Variants in PTPRD observed in about 807,000 individuals in gnomAD.
The protein encoded by PTPRD is protein tyrosine phosphatase receptor type D, also known as receptor-type tyrosine-protein phosphatase delta.
Under a neutral mutation model 214.5 loss-of-function variants are expected in PTPRD, and 34 were observed. The observed-to-expected ratio is 0.16, with a 90% CI of 0.12 to 0.21. The LOEUF is 0.21. Ranked by LOEUF, PTPRD falls within the 10% of genes least tolerant of loss-of-function variation. The pLI is 1.00. For missense variants in PTPRD, 2,545 were observed against 2,398.7 expected (o/e 1.06, Z -1.27); for synonymous variants, 1,128 against 845.7 (o/e 1.33, Z -5.79).
chr9:8,900,609 A>G (rs1566909048), intron 11 of PTPRD, among the ~76,000 whole-genome samples: 1 of 152,148 alleles, frequency 6.6e-6, no homozygotes, highest in Non-Finnish European at 1.5e-5. Context: ...GATTACATTG[A>G]TATATTTAAG....
At chr9:8,347,746 G>T (rs758309185) in intron 39 of PTPRD, among the ~76,000 whole-genome samples, 1 of 152,150 alleles carries the variant, frequency 6.6e-6, no homozygotes, top group African/African-American at 2.4e-5. Flanking sequence ...CCTTGTAAGA[G>T]GAAGAGACAC....
chr9:8,644,627 A>G (rs1015590714), intron 12 of PTPRD, among the ~76,000 whole-genome samples: 17 of 152,256 alleles, frequency 1.1e-4, no homozygotes, highest in African/African-American at 4.1e-4. Flanking sequence ...TGTTGTTTCC[A>G]AGTTTCCAGG....
intron 10 of PTPRD, among the ~76,000 whole-genome samples, chr9:9,058,277 TGCAATGTC>T (rs1569516232): frequency 2.0e-5 from 3 of 148,112 alleles, no homozygotes; most frequent in African/African-American, 7.3e-5. Flanking sequence ...CAGTGTCTTA[TGCAATGTC>T]ACAACCCATG....
intron 11 of PTPRD, among the ~76,000 whole-genome samples, chr9:8,804,220 A>G (rs577274927): frequency 6.6e-6 from 1 of 152,186 alleles, no homozygotes; most frequent in Admixed American, 6.5e-5. Context: ...CCCAAAGTGC[A>G]GGAATTACAA....
chr9:8,528,479 A>G, intron 15 of PTPRD, 112 bp downstream of exon 15: 1 of 955,566 alleles, frequency 1.0e-6, no homozygotes, highest in Non-Finnish European at 1.6e-6. Context: ...GAGAAGAGGG[A>G]GAAAAATCAG....
chr9:9,367,136 G>A (rs2058102019), intron 9 of PTPRD, among the ~76,000 whole-genome samples: 1 of 151,240 alleles, frequency 6.6e-6, no homozygotes, highest in African/African-American at 2.4e-5. Flanking sequence ...AGTGTTACGT[G>A]GGGTTATTTA....
intron 3 of PTPRD, among the ~76,000 whole-genome samples, chr9:10,034,930 T>G (rs1333480043): frequency 6.6e-6 from 1 of 152,134 alleles, no homozygotes; most frequent in Non-Finnish European, 1.5e-5. Flanking sequence ...TCATATTCCT[T>G]TGAGTATATG....
chr9:10,010,783 A>G (rs1021472974), intron 4 of PTPRD, among the ~76,000 whole-genome samples: 3 of 152,030 alleles, frequency 2.0e-5, no homozygotes, highest in Non-Finnish European at 2.9e-5. Context: ...AAAGAATGCT[A>G]TGAAACTTCT....
At chr9:8,706,238 G>C (rs781495906) in intron 12 of PTPRD, among the ~76,000 whole-genome samples, 5 of 152,164 alleles carry the variant, frequency 3.3e-5, no homozygotes, top group Non-Finnish European at 7.3e-5. Flanking sequence ...TACTACGGAA[G>C]TTCTTCTGAA....
intron 44 of PTPRD, among the ~76,000 whole-genome samples, chr9:8,324,886 G>A (rs192136071): frequency 1.1e-4 from 17 of 152,256 alleles, no homozygotes; most frequent in South Asian, 6.2e-4. Context: ...TTTGTCTGCC[G>A]CATCAGTGTC....
At chr9:10,288,777 A>T (rs2095440209) in intron 3 of PTPRD, among the ~76,000 whole-genome samples, 1 of 151,730 alleles carries the variant, frequency 6.6e-6, no homozygotes, top group Admixed American at 6.6e-5. Context: ...TAGACATGGC[A>T]AGAGCCCAGA....
intron 10 of PTPRD, among the ~76,000 whole-genome samples, chr9:9,113,124 C>T (rs955585681): frequency 6.6e-6 from 1 of 151,274 alleles, no homozygotes; most frequent in Non-Finnish European, 1.5e-5. Context: ...ACCACCATGC[C>T]CGGCTAATTA....
At chr9:9,791,532 A>T (rs185812557) in intron 5 of PTPRD, among the ~76,000 whole-genome samples, 2 of 152,260 alleles carry the variant, frequency 1.3e-5, no homozygotes, top group Admixed American at 6.5e-5. Flanking sequence ...ATCACCCCTG[A>T]TGATAAGTTT....
At chr9:10,213,216 A>T (rs2099525112) in intron 3 of PTPRD, among the ~76,000 whole-genome samples, 1 of 152,036 alleles carries the variant, frequency 6.6e-6, no homozygotes, top group Non-Finnish European at 1.5e-5. Context: ...TTTTACTTAT[A>T]TTTCTGTATT....
chr9:9,525,181 G>A (rs1208366217), intron 8 of PTPRD, among the ~76,000 whole-genome samples: 1 of 152,094 alleles, frequency 6.6e-6, no homozygotes, highest in African/African-American at 2.4e-5. Context: ...TATAGAAACT[G>A]AATATCATGC....
chr9:8,527,138 G>A (rs2074379780), intron 16 of PTPRD, among the ~76,000 whole-genome samples: 1 of 148,842 alleles, frequency 6.7e-6, no homozygotes, highest in South Asian at 2.1e-4. Flanking sequence ...ACATTGGTGT[G>A]CCATAACTTG....
intron 11 of PTPRD, among the ~76,000 whole-genome samples, chr9:8,759,501 C>A (rs572046153): frequency 1.3e-5 from 2 of 152,192 alleles, no homozygotes; most frequent in East Asian, 3.9e-4. Context: ...TGAGACCTGA[C>A]AATACACTGA....
At chr9:10,307,929 G>C (rs889184304) in intron 3 of PTPRD, among the ~76,000 whole-genome samples, 1 of 151,778 alleles carries the variant, frequency 6.6e-6, no homozygotes, top group Non-Finnish European at 1.5e-5. Context: ...GATTTTTGTT[G>C]TTGAATTGTT....
chr9:9,345,410 G>A (rs2137661900), intron 9 of PTPRD, among the ~76,000 whole-genome samples: 1 of 152,154 alleles, frequency 6.6e-6, no homozygotes, highest in South Asian at 2.1e-4. Flanking sequence ...TGAAGGCAGA[G>A]GCTCAAGTAC....
Sources: gnomAD v4.1 joint callset for allele counts (sites outside exome capture counted in the v4.1 genomes callset) on GRCh38, gnomAD v4.1.1 for gene constraint, MANE v1.5 for transcripts, NCBI Gene and HGNC (gene_info 2026-07-23, HGNC 2026-07-21) for gene names.